The following ST6GALNAC3 variants were observed in gnomAD, a reference collection of about 807,000 sequenced individuals.
ST6GALNAC3 encodes alpha-N-acetylgalactosaminide alpha-2,6-sialyltransferase 3.
A neutral mutation model predicts 32.7 loss-of-function variants in ST6GALNAC3; 25 were observed. The observed-to-expected ratio is 0.76, with a 90% CI of 0.56 to 1.07. The LOEUF (loss-of-function observed/expected upper bound fraction) is 1.07. Among genes scored for constraint, ST6GALNAC3 ranks in the 50% least tolerant of loss-of-function variants. The pLI, the probability that ST6GALNAC3 is intolerant of heterozygous loss-of-function variation, is 0.00. For synonymous variants in ST6GALNAC3, 129 were observed against 133.1 expected, an observed-to-expected ratio of 0.97 and a Z score of 0.21; for missense variants, 355 against 382.4, an observed-to-expected ratio of 0.93 and a Z score of 0.60.
chr1:76,362,731 C>T (rs1161393445), intron 2 of ST6GALNAC3, among the ~76,000 whole-genome samples: 1 of 152,252 alleles, frequency 6.6e-6, no homozygotes, highest in African/African-American at 2.4e-5. Context: ...AAGTAATCTC[C>T]TTTGACTCCA....
rs1487104710 is a variant in ST6GALNAC3 at position 76,630,572 on chromosome 1, C to G, written c.*1766C>G. The G allele has an allele frequency of 3.0e-6, 3 of 985,282 alleles. No individual in the cohort carries two copies. The African/African-American group carries it at 5.2e-5, about 17-fold the overall frequency. The allele number at this position is 985,282 out of a possible 1,614,324, so 61.0% of individuals were successfully genotyped here. On this transcript the variant is annotated 3_prime_UTR_variant, in exon 5 of 5. Transcript: ENST00000328299. ...CTCAACTTATAGAATGTTTTGGAAA[C>G]TGGAAGTAATGATACATTTCACTTC...
chr1:76,329,796 C>CTTTA (rs35038225), intron 2 of ST6GALNAC3, among the ~76,000 whole-genome samples: 42,710 of 150,252 alleles, frequency 0.28, 6,730 homozygotes, highest in African/African-American at 0.41. Flanking sequence ...CTTTCTCTCT[C>CTTTA]TTTATTTATT....
At chr1:76,556,350 GT>G (rs1477740667) in intron 3 of ST6GALNAC3, among the ~76,000 whole-genome samples, 3 of 152,010 alleles carry the variant, frequency 2.0e-5, no homozygotes, top group Non-Finnish European at 4.4e-5. Context: ...TCATGTACAA[GT>G]TTTGGTGTGA....
chr1:76,577,953 A>T (rs1464477253), intron 3 of ST6GALNAC3, among the ~76,000 whole-genome samples: 1 of 152,112 alleles, frequency 6.6e-6, no homozygotes, highest in East Asian at 1.9e-4. Context: ...ACAATGACAG[A>T]CGATTCTTTT....
chr1:76,485,980 C>T (rs866213121), intron 3 of ST6GALNAC3, among the ~76,000 whole-genome samples: 2 of 152,050 alleles, frequency 1.3e-5, no homozygotes, highest in African/African-American at 2.4e-5. Flanking sequence ...TTTTGTTATG[C>T]ACCCAGTAGT....
intron 1 of ST6GALNAC3, among the ~76,000 whole-genome samples, chr1:76,272,869 T>C (rs1305675588): frequency 6.6e-6 from 1 of 152,158 alleles, no homozygotes; most frequent in Non-Finnish European, 1.5e-5. Context: ...AGAAGGCCTA[T>C]ATAAAATGGG....
intron 3 of ST6GALNAC3, among the ~76,000 whole-genome samples, chr1:76,417,020 T>G (rs1654690855): frequency 6.6e-6 from 1 of 152,156 alleles, no homozygotes; most frequent in South Asian, 2.1e-4. Flanking sequence ...AGAATAAGTT[T>G]AGGCCAACTC....
chr1:76,368,800 A>G (rs1650587192), intron 2 of ST6GALNAC3, among the ~76,000 whole-genome samples: 1 of 152,190 alleles, frequency 6.6e-6, no homozygotes, highest in Non-Finnish European at 1.5e-5. Context: ...AGGTTTAACT[A>G]TATCTCGGCT....
At chr1:76,576,771 T>C (rs1646815974) in intron 3 of ST6GALNAC3, 1 of 1,156,422 alleles carries the variant, frequency 8.6e-7, no homozygotes, top group African/African-American at 1.6e-5. Flanking sequence ...GAGGGGGTTC[T>C]GATAGCTAAA....
At chr1:76,234,880 C>G (rs1246830448) in intron 1 of ST6GALNAC3, among the ~76,000 whole-genome samples, 1 of 152,162 alleles carries the variant, frequency 6.6e-6, no homozygotes, top group Non-Finnish European at 1.5e-5. Context: ...ATTTACATTG[C>G]AAAGAGTCCT....
chr1:76,113,527 T>C (rs1191089632), intron 1 of ST6GALNAC3, among the ~76,000 whole-genome samples: 2 of 151,674 alleles, frequency 1.3e-5, no homozygotes, highest in African/African-American at 4.9e-5. Context: ...TTTGTTTTTC[T>C]GTTTTTTTTT....
chr1:76,321,005 T>A (rs907573743), intron 2 of ST6GALNAC3, among the ~76,000 whole-genome samples: 1 of 150,340 alleles, frequency 6.7e-6, no homozygotes, highest in Non-Finnish European at 1.5e-5. Flanking sequence ...ATATATATAG[T>A]CAGGTAGGTG....
chr1:76,591,993 C>A (rs889394482), intron 3 of ST6GALNAC3, among the ~76,000 whole-genome samples: 17 of 152,158 alleles, frequency 1.1e-4, no homozygotes, highest in African/African-American at 3.9e-4. Context: ...AAGGGTCAAC[C>A]TGCAGAGAAG....
chr1:76,236,571 T>A (rs1656673395), intron 1 of ST6GALNAC3, among the ~76,000 whole-genome samples: 1 of 152,198 alleles, frequency 6.6e-6, no homozygotes, highest in Non-Finnish European at 1.5e-5. Flanking sequence ...AGTGTGTTTT[T>A]TATCTCCAGT....
chr1:76,605,357 G>C (rs973592880), intron 3 of ST6GALNAC3, among the ~76,000 whole-genome samples: 1 of 152,062 alleles, frequency 6.6e-6, no homozygotes, highest in Admixed American at 6.6e-5. Flanking sequence ...AGAAAGTCTT[G>C]ATTATCATAA....
chr1:76,441,609 C>CT (rs1656612269), intron 3 of ST6GALNAC3, among the ~76,000 whole-genome samples: 1 of 152,106 alleles, frequency 6.6e-6, no homozygotes, highest in South Asian at 2.1e-4. Context: ...GCATTTATTC[C>CT]TTGTGTTACA....
At chr1:76,348,891 C>T (rs77038022) in intron 2 of ST6GALNAC3, among the ~76,000 whole-genome samples, 1 of 152,168 alleles carries the variant, frequency 6.6e-6, no homozygotes, top group Non-Finnish European at 1.5e-5. Flanking sequence ...GAACATACTT[C>T]ATGCACGTAG....
intron 1 of ST6GALNAC3, among the ~76,000 whole-genome samples, chr1:76,224,831 A>G (rs1450729524): frequency 4.6e-5 from 7 of 152,192 alleles, no homozygotes; most frequent in Admixed American, 4.6e-4. Context: ...AGGTTGGTGA[A>G]TCCTTTAAGA....
chr1:76,238,801 G>A (rs1656803673), intron 1 of ST6GALNAC3, among the ~76,000 whole-genome samples: 2 of 152,154 alleles, frequency 1.3e-5, no homozygotes, highest in South Asian at 4.1e-4. Context: ...AATATCACAT[G>A]CAAATATGAT....
Sources: gnomAD v4.1 joint callset for allele counts (sites outside exome capture counted in the v4.1 genomes callset) on GRCh38, gnomAD v4.1.1 for gene constraint, MANE v1.5 for transcripts, NCBI Gene and HGNC (gene_info 2026-07-23, HGNC 2026-07-21) for gene names.